Variants in LRP1B observed in about 807,000 individuals in gnomAD.
The protein encoded by LRP1B is low-density lipoprotein receptor-related protein 1B.
In LRP1B, 217 loss-of-function variants were observed where a neutral mutation model predicts 556.6. That is an observed-to-expected ratio of 0.39 (90% CI 0.35 to 0.44). LRP1B has a LOEUF of 0.44. LRP1B is among the 20% of genes least tolerant of loss of function. The pLI is 1.00. For synonymous variants in LRP1B, 2,047 were observed against 1,865.8 expected (o/e 1.10, Z -2.50); for missense variants, 5,053 against 5,620.8 (o/e 0.90, Z 3.23).
intron 1 of LRP1B, among the ~76,000 whole-genome samples, chr2:142,120,846 T>C: frequency 6.6e-6 from 1 of 152,174 alleles, no homozygotes; most frequent in Non-Finnish European, 1.5e-5. Flanking sequence ...AATATGGTAT[T>C]AATAATTCTG....
At chr2:140,637,037 C>T (rs1215218832) in intron 41 of LRP1B, among the ~76,000 whole-genome samples, 3 of 152,072 alleles carry the variant, frequency 2.0e-5, no homozygotes, top group African/African-American at 4.8e-5. Context: ...TTATTAATGG[C>T]TTTGGACCAA....
At chr2:141,348,963 C>T (rs1688351184) in intron 3 of LRP1B, among the ~76,000 whole-genome samples, 1 of 151,896 alleles carries the variant, frequency 6.6e-6, no homozygotes, top group Non-Finnish European at 1.5e-5. Context: ...TATGATGTGA[C>T]TTGTTTCTCC....
At chr2:141,089,596 G>A (rs776288308) in intron 7 of LRP1B, among the ~76,000 whole-genome samples, 1 of 151,964 alleles carries the variant, frequency 6.6e-6, no homozygotes, top group Non-Finnish European at 1.5e-5. Flanking sequence ...TTGGATCTAG[G>A]TTTAGCATGC....
chr2:140,520,410 A>C (rs1371883193), intron 49 of LRP1B, among the ~76,000 whole-genome samples: 4 of 152,210 alleles, frequency 2.6e-5, no homozygotes, highest in Middle Eastern at 3.4e-3. Flanking sequence ...AACAATGAGA[A>C]CACTTGGACA....
At chr2:141,264,789 G>A (rs1684826034) in intron 3 of LRP1B, among the ~76,000 whole-genome samples, 1 of 152,152 alleles carries the variant, frequency 6.6e-6, no homozygotes, top group African/African-American at 2.4e-5. Flanking sequence ...GATTGTATAT[G>A]TTTTTTGGGT....
At chr2:142,057,790 T>C (rs1704733850) in intron 1 of LRP1B, among the ~76,000 whole-genome samples, 1 of 152,126 alleles carries the variant, frequency 6.6e-6, no homozygotes, top group Non-Finnish European at 1.5e-5. Context: ...ATTTTTGTTT[T>C]CTCAGTCCTT....
At chr2:140,534,229 T>C in intron 46 of LRP1B, 89 bp from the exon 47 acceptor site, 1 of 1,213,146 alleles carries the variant, frequency 8.2e-7, no homozygotes, top group Non-Finnish European at 1.2e-6. Flanking sequence ...TCATTCATAA[T>C]GACTGGATTA....
chr2:141,915,854 A>G (rs746069437), intron 1 of LRP1B, among the ~76,000 whole-genome samples: 2 of 152,220 alleles, frequency 1.3e-5, no homozygotes, highest in Non-Finnish European at 2.9e-5. Context: ...ATTATCAGAG[A>G]AATACAAATC....
intron 41 of LRP1B, among the ~76,000 whole-genome samples, chr2:140,604,121 A>G (rs1404870573): frequency 6.6e-6 from 1 of 152,094 alleles, no homozygotes; most frequent in African/African-American, 2.4e-5. Context: ...TGAGCAGAGT[A>G]AATCAATACA....
intron 1 of LRP1B, among the ~76,000 whole-genome samples, chr2:142,025,930 T>C (rs555483110): frequency 6.6e-6 from 1 of 152,202 alleles, no homozygotes; most frequent in East Asian, 1.9e-4. Context: ...CCCAGCATCT[T>C]CCATAAATTT....
chr2:141,810,364 G>T lies in LRP1B; in HGVS notation c.120C>A (p.His40Gln). 6.2e-7 allele frequency: 1 copy of T among 1,612,914 alleles called. No homozygotes were observed. Among genetic ancestry groups the T allele is most frequent in the East Asian group, 2.2e-5 (1 of 44,830 alleles). ...TCTGGGAGACACAAGTCACGTGATC[G>T]TGGCAAAGAAATTCACCAGGATCAC... is the stretch of plus-strand genomic sequence containing the variant. Reference protein sequence around the residue: ...QLCDPGEFLCHDHVTCVSQSW... With the variant: ...QLCDPGEFLCQDHVTCVSQSW... Residue 40 changes from histidine (H) to glutamine (Q), a missense_variant, in exon 2 of 91, where the codon CAC (histidine) becomes CAA (glutamine). This residue lies in a region of LRP1B where 3,619 missense variants were observed against 3,931.9 expected (regional missense o/e 0.92). Coordinates refer to ENST00000389484, the MANE Select transcript of LRP1B (RefSeq NM_018557.3).
At chr2:141,523,266 T>C (rs149153670) in intron 2 of LRP1B, among the ~76,000 whole-genome samples, 3,300 of 152,232 alleles carry the variant, frequency 0.022, 40 homozygotes, top group Non-Finnish European at 0.036. Context: ...GACATATAAA[T>C]ATTTTAAATT....
intron 3 of LRP1B, among the ~76,000 whole-genome samples, chr2:141,443,626 C>A (rs1681069589): frequency 6.6e-6 from 1 of 152,118 alleles, no homozygotes; most frequent in African/African-American, 2.4e-5. Flanking sequence ...GGAAGGGGTA[C>A]AATTTCAGTT....
At chr2:142,021,912 T>A (rs1435538368) in intron 1 of LRP1B, among the ~76,000 whole-genome samples, 1 of 152,174 alleles carries the variant, frequency 6.6e-6, no homozygotes, top group African/African-American at 2.4e-5. Context: ...GCATGATATT[T>A]GTCCTTGTTA....
chr2:141,752,651 GGTGTGTGTGT>G (rs35485226), intron 2 of LRP1B, among the ~76,000 whole-genome samples: 1 of 149,714 alleles, frequency 6.7e-6, no homozygotes, highest in East Asian at 2.0e-4. Flanking sequence ...AATCTTGGGT[GGTGTGTGTGT>G]GTGTGTGTGT....
intron 3 of LRP1B, among the ~76,000 whole-genome samples, chr2:141,459,068 A>G (rs7578251): frequency 0.84 from 127,862 of 152,108 alleles, 56,104 homozygotes; most frequent in East Asian, 1. Flanking sequence ...GATCAATTAA[A>G]TTGAGCTAAA....
At chr2:141,680,791 C>T (rs1691072460) in intron 2 of LRP1B, among the ~76,000 whole-genome samples, 2 of 151,766 alleles carry the variant, frequency 1.3e-5, no homozygotes, top group South Asian at 4.2e-4. Context: ...TATCAATCTG[C>T]CTAATTATTT....
intron 21 of LRP1B, among the ~76,000 whole-genome samples, chr2:140,908,781 T>A (rs1004079599): frequency 6.6e-6 from 1 of 152,112 alleles, no homozygotes; most frequent in African/African-American, 2.4e-5. Context: ...CACAAAGAGA[T>A]CAATGTTCAT....
At chr2:142,008,514 G>T (rs114865856) in intron 1 of LRP1B, among the ~76,000 whole-genome samples, 4,044 of 151,246 alleles carry the variant, frequency 0.027, 75 homozygotes, top group Non-Finnish European at 0.04. Flanking sequence ...TTAAGACATG[G>T]TGACTTTTTT....
Sources: allele counts gnomAD v4.1 joint callset (sites outside exome capture counted in the v4.1 genomes callset), GRCh38; gene constraint gnomAD v4.1.1; regional missense constraint gnomAD v4.1.1; transcripts MANE v1.5; gene names NCBI Gene and HGNC (gene_info 2026-07-23, HGNC 2026-07-21).